Variants in SAXO1 observed in about 807,000 individuals in gnomAD.
SAXO1 encodes 4930500O09Rik.
Under a neutral mutation model 17.5 loss-of-function variants are expected in SAXO1, and 21 were observed. The observed-to-expected ratio is 1.20, with a 90% CI of 0.85 to 1.72. The LOEUF is 1.72. Ranked by LOEUF, SAXO1 falls within the 40% of genes most tolerant of loss-of-function variation. SAXO1 has a pLI of 0.00. For missense variants in SAXO1, 843 were observed against 596.0 expected, an observed-to-expected ratio of 1.41 and a Z score of -4.32; for synonymous variants, 274 against 216.5, an observed-to-expected ratio of 1.27 and a Z score of -2.33.
chr9:18,975,392 CAT>C (rs1833106541), intron 1 of SAXO1, among the ~76,000 whole-genome samples: 1 of 152,230 alleles, frequency 6.6e-6, no homozygotes, highest in Non-Finnish European at 1.5e-5. Flanking sequence ...CCGCTCTGCA[CAT>C]ATGTCAGACA....
intron 1 of SAXO1, among the ~76,000 whole-genome samples, chr9:19,023,817 A>G (rs114787230): frequency 3.2e-5 from 3 of 94,288 alleles, no homozygotes; most frequent in South Asian, 6.9e-4. Context: ...AGGAAAGGAA[A>G]GAAAGGAAGG....
At position 18,928,881 on chromosome 9, in the gene SAXO1, A is replaced by T; in HGVS notation, c.596T>A (p.Ile199Asn). ...GTAGTTAGTCACATCCTCCAAGGGGATGTTACAGAGCTTTGGCATGGCCAG... is the reference window on the plus strand; with the variant it reads ...GTAGTTAGTCACATCCTCCAAGGGGTTGTTACAGAGCTTTGGCATGGCCAG... Reference protein sequence around the residue: ...KPLAMPKLCNIPLEDVTNYKM... With the variant: ...KPLAMPKLCNNPLEDVTNYKM... The change falls in exon 4 of 4, where the codon ATC becomes AAC. Residue 199 changes from isoleucine (I) to asparagine (N), a missense_variant. By Grantham distance (149) the Ile-to-Asn change is moderately radical. Coordinates refer to ENST00000380534, the MANE Select transcript of SAXO1 (RefSeq NM_153707.4). 1 of 1,614,114 alleles carries T rather than the reference A, an allele frequency of 6.2e-7. No homozygotes were observed. The highest frequency in any genetic ancestry group is 8.5e-7 in the Non-Finnish European group (1 of 1,180,020).
At chr9:19,009,406 A>G (rs1834626517) in intron 1 of SAXO1, among the ~76,000 whole-genome samples, 2 of 152,170 alleles carry the variant, frequency 1.3e-5, no homozygotes, top group Non-Finnish European at 2.9e-5. Context: ...GTTGAAACTA[A>G]AAACTCAACT....
chr9:18,950,156 C>T (rs745336020), intron 2 of SAXO1, among the ~76,000 whole-genome samples: 9 of 152,218 alleles, frequency 5.9e-5, no homozygotes, highest in Non-Finnish European at 1.3e-4. Flanking sequence ...ATATACTGAA[C>T]CATGTGGCTC....
rs1833278542 is a variant in SAXO1, at chr9:18,979,385, G to A, written c.39-28448C>T. 2.0e-5 allele frequency among the ~76,000 whole-genome samples: 3 copies of A among 152,190 alleles called. No individual in the cohort carries two copies. In the South Asian group the frequency reaches 6.2e-4, roughly 31 times the overall value. On this transcript the variant is annotated intron_variant, in intron 1 of 3. Coordinates refer to ENST00000380534, the MANE Select transcript of SAXO1 (RefSeq NM_153707.4). ...TGTGTAATAAACTCAGCCTTTGTGA[G>A]GAAATTTCACCAGAGCTGAGAATGG...
In SAXO1 at chr9:19,022,163, C is replaced by T. The variant is rs183619181; in HGVS notation, c.38+10708G>A. On this transcript the variant is annotated intron_variant, in intron 1 of 3. Coordinates refer to ENST00000380534, the MANE Select transcript of SAXO1 (RefSeq NM_153707.4). ...ACCCACGGGGAGAAACGAACAACTCCGGAGGCGCCACCTTTAAGAGCTGTA... is the reference window on the plus strand; with the variant it reads ...ACCCACGGGGAGAAACGAACAACTCTGGAGGCGCCACCTTTAAGAGCTGTA... Among the ~76,000 whole-genome samples the T allele has an allele frequency of 3.3e-5, 5 of 152,278 alleles. 1 individual carries two copies. The Middle Eastern group carries it at 0.01, about 311-fold the overall frequency.
At position 18,933,964 on chromosome 9, in the gene SAXO1, T is replaced by C. The variant is rs576487218; in HGVS notation, c.422-4909A>G. On this transcript the variant is annotated intron_variant, in intron 3 of 3. Transcript: ENST00000380534. ...GGGAGGCTGAGGCAGGAGAATGGTGTGAACCCGGGAGGCGGAGCTTGCAGT... is the reference window on the plus strand; with the variant it reads ...GGGAGGCTGAGGCAGGAGAATGGTGCGAACCCGGGAGGCGGAGCTTGCAGT... 6.9e-3 allele frequency among the ~76,000 whole-genome samples: 1,057 copies of C among 152,258 alleles called. 10 individuals carry two copies. Among genetic ancestry groups the C allele is most frequent in the Non-Finnish European group, 0.012 (809 of 68,010 alleles).
At chr9:18,947,643 TG>T (rs1831853141) in intron 2 of SAXO1, 1 of 152,202 alleles carries the variant, frequency 6.6e-6, no homozygotes, top group Non-Finnish European at 1.5e-5. Flanking sequence ...CATGGTGACA[TG>T]CCTATGGGGA....
At chr9:19,046,830 C>T (rs1268137812) in intron 1 of SAXO1, among the ~76,000 whole-genome samples, 1 of 152,126 alleles carries the variant, frequency 6.6e-6, no homozygotes, top group Non-Finnish European at 1.5e-5. Flanking sequence ...CTCACCACTG[C>T]ACTCCAGCCT....
At chr9:19,018,447 G>A (rs899435060) in intron 1 of SAXO1, among the ~76,000 whole-genome samples, 3 of 152,324 alleles carry the variant, frequency 2.0e-5, no homozygotes, top group African/African-American at 7.2e-5. Flanking sequence ...TCCAAGGTGG[G>A]TGTGAAGTGG....
At chr9:19,039,974 C>T (rs1836038033) in intron 1 of SAXO1, among the ~76,000 whole-genome samples, 1 of 152,154 alleles carries the variant, frequency 6.6e-6, no homozygotes, top group Non-Finnish European at 1.5e-5. Flanking sequence ...GGTGATCTGC[C>T]CGCCTCGGCC....
intron 3 of SAXO1, among the ~76,000 whole-genome samples, chr9:18,933,851 C>T (rs2034202278): frequency 6.6e-6 from 1 of 152,178 alleles, no homozygotes; most frequent in South Asian, 2.1e-4. Flanking sequence ...TCAAGACCAT[C>T]CTGGCCAACA....
chr9:18,935,838 A>G (rs1334904015), intron 3 of SAXO1, among the ~76,000 whole-genome samples: 1 of 152,166 alleles, frequency 6.6e-6, no homozygotes, highest in Non-Finnish European at 1.5e-5. Flanking sequence ...TCTATTCCCA[A>G]TCAAGTCAGG....
chr9:18,982,999 G>T (rs1833456898), intron 1 of SAXO1, among the ~76,000 whole-genome samples: 1 of 152,156 alleles, frequency 6.6e-6, no homozygotes, highest in African/African-American at 2.4e-5. Context: ...ATCAGGAAGG[G>T]CTTCAAACAT....
intron 1 of SAXO1, chr9:19,027,171 A>G (rs1360129556): frequency 3.1e-5 from 37 of 1,199,628 alleles, no homozygotes; most frequent in Non-Finnish European, 3.2e-5. Context: ...GGATGGTCCA[A>G]ATATTGACCT....
At chr9:18,981,654 G>T (rs572422681) in intron 1 of SAXO1, among the ~76,000 whole-genome samples, 27 of 152,186 alleles carry the variant, frequency 1.8e-4, no homozygotes, top group Non-Finnish European at 3.7e-4. Flanking sequence ...TCACAAATGG[G>T]GGTGATAACT....
intron 1 of SAXO1, among the ~76,000 whole-genome samples, chr9:19,046,048 G>A (rs1005182384): frequency 6.0e-5 from 8 of 133,846 alleles, no homozygotes; most frequent in South Asian, 2.3e-4. Context: ...AGATTGCGCC[G>A]TTGCGCCTGG....
chr9:19,032,418 G>C (rs12238548), intron 1 of SAXO1, among the ~76,000 whole-genome samples: 15,779 of 152,234 alleles, frequency 0.1, 894 homozygotes, highest in Non-Finnish European at 0.12. Flanking sequence ...TACACAATGT[G>C]GAACAAGTTT....
chr9:18,940,074 C>G (rs941871182), intron 3 of SAXO1, among the ~76,000 whole-genome samples: 1 of 152,122 alleles, frequency 6.6e-6, no homozygotes, highest in Non-Finnish European at 1.5e-5. Flanking sequence ...GAGCTGGGCT[C>G]CAAAGATAGG....
Sources: gnomAD v4.1 joint callset for allele counts (sites outside exome capture counted in the v4.1 genomes callset) on GRCh38, gnomAD v4.1.1 for gene constraint, MANE v1.5 for transcripts, NCBI Gene and HGNC (gene_info 2026-07-23, HGNC 2026-07-21) for gene names.